ADAMTS17: variants seen among roughly 807,000 people sequenced by gnomAD.
The protein encoded by ADAMTS17 is A disintegrin and metalloproteinase with thrombospondin motifs 17.
ADAMTS17 carries 113 observed loss-of-function variants against 141.5 expected under a neutral mutation model. The observed-to-expected ratio is 0.80, with a 90% CI of 0.69 to 0.93. The LOEUF (loss-of-function observed/expected upper bound fraction) is 0.93. ADAMTS17 is among the 40% of genes least tolerant of loss of function. The probability of loss-of-function intolerance (pLI) is 0.00; values close to 1 mark genes in which losing one functional copy is unlikely to be tolerated. For missense variants in ADAMTS17, 1,659 were observed against 1,517.9 expected, an observed-to-expected ratio of 1.09 and a Z score of -1.54; for synonymous variants, 768 against 630.6, an observed-to-expected ratio of 1.22 and a Z score of -3.27.
chr15:100,250,699 G>C (rs1341217800), intron 7 of ADAMTS17, among the ~76,000 whole-genome samples: 1 of 152,146 alleles, frequency 6.6e-6, no homozygotes, highest in African/African-American at 2.4e-5. Context: ...CAACAAATGA[G>C]TGCATGCAGA....
At chr15:100,042,465 G>T (rs1327084061) in intron 18 of ADAMTS17, among the ~76,000 whole-genome samples, 1 of 152,136 alleles carries the variant, frequency 6.6e-6, no homozygotes, top group Non-Finnish European at 1.5e-5. Context: ...AATTTCATGG[G>T]TAGAAGATTC....
At chr15:100,187,049 A>G (rs2040743601) in intron 8 of ADAMTS17, among the ~76,000 whole-genome samples, 1 of 152,094 alleles carries the variant, frequency 6.6e-6, no homozygotes, top group Non-Finnish European at 1.5e-5. Context: ...ATCTGGACCG[A>G]GAGAGCCAGA....
chr15:100,130,669 T>C (rs891664159), intron 12 of ADAMTS17, among the ~76,000 whole-genome samples: 2 of 152,144 alleles, frequency 1.3e-5, no homozygotes, highest in Non-Finnish European at 2.9e-5. Flanking sequence ...GCATCAGGAT[T>C]TTTAAACATA....
intron 18 of ADAMTS17, among the ~76,000 whole-genome samples, chr15:100,027,214 C>A (rs2061532258): frequency 6.6e-6 from 1 of 152,202 alleles, no homozygotes; most frequent in South Asian, 2.1e-4. Flanking sequence ...TAAACAACGA[C>A]AAATGTTATT....
intron 8 of ADAMTS17, among the ~76,000 whole-genome samples, chr15:100,187,081 C>T (rs1445449041): frequency 1.3e-5 from 2 of 152,150 alleles, no homozygotes; most frequent in Admixed American, 6.5e-5. Context: ...CAACTATTGA[C>T]CTCTCCTCAC....
Position 100,037,404 on chromosome 15 carries a change from CTT to C in ADAMTS17, c.2591+11451_2591+11452del, listed in dbSNP as rs544467796. On this transcript the variant is annotated intron_variant, in intron 18 of 21. Coordinates refer to ENST00000268070, the MANE Select transcript of ADAMTS17 (RefSeq NM_139057.4). The stretch of plus-strand genomic sequence containing the variant: ...AGCTGTAGTAGCTCTTTAGGTATTC[CTT>C]TTTTTTTTTTTTTCTTCTTTTTGAG... 6.8e-3 allele frequency among the ~76,000 whole-genome samples: 974 copies of C among 142,696 alleles called. 14 individuals are homozygous for C. Among genetic ancestry groups the C allele is most frequent in the African/African-American group, 0.024 (925 of 38,628 alleles). 93.6% of individuals were successfully genotyped at this position (142,696 alleles called of 152,430 possible). A position where few individuals can be genotyped will look rare whatever the true frequency, so the allele number is the denominator to read the frequency against.
chr15:100,307,571 T>G (rs1480391498), intron 3 of ADAMTS17, among the ~76,000 whole-genome samples: 1 of 152,186 alleles, frequency 6.6e-6, no homozygotes, highest in Non-Finnish European at 1.5e-5. Context: ...TGGCTTAGCT[T>G]GAGATGGAGA....
intron 3 of ADAMTS17, among the ~76,000 whole-genome samples, chr15:100,321,150 G>C (rs2045721477): frequency 6.6e-6 from 1 of 152,150 alleles, no homozygotes. Context: ...GAAACCTGAT[G>C]CCTCAGACTT....
chr15:100,101,602 T>C (rs939193410), intron 14 of ADAMTS17, among the ~76,000 whole-genome samples: 6 of 152,214 alleles, frequency 3.9e-5, no homozygotes, highest in African/African-American at 1.4e-4. Flanking sequence ...TGTCTGAGAA[T>C]TCTTTGTATT....
intron 2 of ADAMTS17, among the ~76,000 whole-genome samples, chr15:100,334,327 C>G (rs1044038616): frequency 6.6e-6 from 1 of 152,162 alleles, no homozygotes; most frequent in African/African-American, 2.4e-5. Flanking sequence ...TGGGAGGGGA[C>G]AAAGTCACAC....
At chr15:100,282,895 T>G (rs2044331253) in intron 3 of ADAMTS17, among the ~76,000 whole-genome samples, 1 of 152,184 alleles carries the variant, frequency 6.6e-6, no homozygotes. Flanking sequence ...GATCATGATT[T>G]TGCAAAAATC....
At chr15:100,111,272 G>A (rs1484432453) in intron 13 of ADAMTS17, among the ~76,000 whole-genome samples, 1 of 152,214 alleles carries the variant, frequency 6.6e-6, no homozygotes, top group Non-Finnish European at 1.5e-5. Context: ...AACCCAGGGT[G>A]AGGCCACATG....
intron 7 of ADAMTS17, among the ~76,000 whole-genome samples, chr15:100,253,864 A>T (rs2141961903): frequency 6.6e-6 from 1 of 152,256 alleles, no homozygotes; most frequent in African/African-American, 2.4e-5. Flanking sequence ...CCCCAACTGC[A>T]GACCCCTTGG....
intron 10 of ADAMTS17, among the ~76,000 whole-genome samples, chr15:100,141,693 A>G (rs1376899554): frequency 1.3e-5 from 2 of 152,216 alleles, no homozygotes; most frequent in African/African-American, 4.8e-5. Context: ...GGTGGGGCCC[A>G]GGACTTCAGC....
chr15:100,060,619 TCC>T (rs2033043850), intron 15 of ADAMTS17, among the ~76,000 whole-genome samples: 1 of 152,196 alleles, frequency 6.6e-6, no homozygotes, highest in Admixed American at 6.5e-5. Flanking sequence ...TCTCTCTCCG[TCC>T]TAGCTTCACT....
chr15:100,133,947 T>C (rs1304665526), intron 10 of ADAMTS17, among the ~76,000 whole-genome samples: 2 of 152,206 alleles, frequency 1.3e-5, no homozygotes, highest in South Asian at 2.1e-4. Context: ...CATCTACAAA[T>C]ACACAATTAA....
chr15:100,044,302 C>A (rs150767576), intron 18 of ADAMTS17, among the ~76,000 whole-genome samples: 1 of 152,176 alleles, frequency 6.6e-6, no homozygotes, highest in African/African-American at 2.4e-5. Flanking sequence ...TACCCTTATG[C>A]TAGAATGCTT....
chr15:100,073,738 G>A lies in ADAMTS17; in HGVS notation c.2138-19684C>T, dbSNP rs1165107949. Among the ~76,000 whole-genome samples, 6 of 123,066 alleles carry A rather than the reference G, an allele frequency of 4.9e-5. No individual in the cohort carries two copies. The East Asian group carries it at 1.5e-3, about 30-fold the overall frequency. 80.7% of individuals were successfully genotyped at this position (123,066 alleles called of 152,430 possible). On this transcript the variant is annotated intron_variant, in intron 15 of 21. Transcript: ENST00000268070. ...TGAGAACACATGGATACAGGAAGGGGAACATCACACACTGGGGACTGTTGT... is the reference window on the plus strand; with the variant it reads ...TGAGAACACATGGATACAGGAAGGGAAACATCACACACTGGGGACTGTTGT...
At chr15:100,087,832 C>T (rs184135984) in intron 15 of ADAMTS17, among the ~76,000 whole-genome samples, 4 of 152,124 alleles carry the variant, frequency 2.6e-5, no homozygotes, top group East Asian at 3.9e-4. Flanking sequence ...ATTGATGGGA[C>T]GTATCTCAAA....
Sources: gnomAD v4.1 joint callset for allele counts (sites outside exome capture counted in the v4.1 genomes callset) on GRCh38, gnomAD v4.1.1 for gene constraint, MANE v1.5 for transcripts, NCBI Gene and HGNC (gene_info 2026-07-23, HGNC 2026-07-21) for gene names.